Variants in CFAP97D2 observed in about 807,000 individuals in gnomAD.
The protein encoded by CFAP97D2 is uncharacterized protein CFAP97D2.
intron 1 of CFAP97D2, among the ~76,000 whole-genome samples, chr13:114,182,113 C>T (rs2080835279): frequency 6.6e-6 from 1 of 150,744 alleles, no homozygotes; most frequent in Non-Finnish European, 1.5e-5. Context: ...TTCATTATTT[C>T]AGCAAAAAGG....
chr13:114,208,432 G>A (rs754335593), intron 3 of CFAP97D2, among the ~76,000 whole-genome samples: 31 of 152,256 alleles, frequency 2.0e-4, no homozygotes, highest in South Asian at 1.7e-3. Context: ...ATTGAAGCAC[G>A]TTATCAAAAT....
At position 114,186,216 on chromosome 13, in the gene CFAP97D2, T is replaced by G. The variant is rs928330309; in HGVS notation, c.90+6796T>G. Among the ~76,000 whole-genome samples the G allele has an allele frequency of 2.6e-5, 4 of 151,752 alleles. No homozygotes were observed. ...AGGATGACCAGCTACAGAGGGGAGC[T>G]GCACACCCCAAGGTCTCCTCTCTGC... On this transcript the variant is annotated intron_variant, in intron 1 of 4. Transcript: ENST00000646158. This position sits in a 1 kb window ranked among gnomAD's most constrained non-coding sequence, Gnocchi z 4.3.
intron 4 of CFAP97D2, chr13:114,212,106 C>A: frequency 7.5e-6 from 3 of 398,592 alleles, no homozygotes; most frequent in Non-Finnish European, 1.3e-5. Context: ...AAAAAGGTAC[C>A]CGCACCTTCT....
intron 3 of CFAP97D2, among the ~76,000 whole-genome samples, chr13:114,204,296 G>A (rs1417241029): frequency 2.0e-5 from 3 of 152,124 alleles, no homozygotes; most frequent in South Asian, 2.1e-4. Context: ...GTAATAGCTC[G>A]GCACAGGAAA....
At chr13:114,208,105 G>A (rs544910303) in intron 3 of CFAP97D2, among the ~76,000 whole-genome samples, 12 of 152,292 alleles carry the variant, frequency 7.9e-5, no homozygotes, top group African/African-American at 2.9e-4. Context: ...ACTTCTAGCT[G>A]TGTGACCTTG....
chr13:114,217,798 A>G (rs544008853), intron 4 of CFAP97D2, among the ~76,000 whole-genome samples: 3 of 152,364 alleles, frequency 2.0e-5, no homozygotes, highest in African/African-American at 7.2e-5. Context: ...CAATAGATAC[A>G]GAAAAGGCCT....
In CFAP97D2 at chr13:114,179,523, T is replaced by C; in HGVS notation, c.90+103T>C. 2 of 397,216 alleles carry C rather than the reference T, an allele frequency of 5.0e-6. No homozygotes were observed. The allele number at this position is 397,216 out of a possible 1,614,324, so 24.6% of individuals were successfully genotyped here. A position where few individuals can be genotyped will look rare whatever the true frequency, so the allele number is the denominator to read the frequency against. ...CCTGGAGTCCTGGAGGTGATTTTCT[T>C]TTTGGAGACAGCATGGTTGAAATGA... On this transcript the variant is annotated intron_variant, in intron 1 of 4. Transcript: ENST00000646158. This position sits in a 1 kb window ranked among gnomAD's most constrained non-coding sequence, Gnocchi z 4.8.
intron 1 of CFAP97D2, among the ~76,000 whole-genome samples, chr13:114,191,024 A>G (rs1566612156): frequency 6.6e-6 from 1 of 152,240 alleles, no homozygotes; most frequent in Non-Finnish European, 1.5e-5. Flanking sequence ...GAACATCCAC[A>G]TGGAAGAAGA....
At chr13:114,202,365 G>T (rs79133334) in intron 3 of CFAP97D2, among the ~76,000 whole-genome samples, 3 of 152,108 alleles carry the variant, frequency 2.0e-5, no homozygotes, top group African/African-American at 7.2e-5. Flanking sequence ...CAGAATGACC[G>T]CATGAGGAGC....
chr13:114,206,227 C>T (rs906379374), intron 3 of CFAP97D2, among the ~76,000 whole-genome samples: 4 of 151,996 alleles, frequency 2.6e-5, no homozygotes, highest in African/African-American at 4.8e-5. Context: ...CTCAGCCTCC[C>T]GAGTAGCTGG....
At position 114,189,902 on chromosome 13, in the gene CFAP97D2, G is replaced by A. The variant is rs982902559; in HGVS notation, c.91-6494G>A. 4.6e-5 allele frequency among the ~76,000 whole-genome samples: 7 copies of A among 152,128 alleles called. No individual in the cohort carries two copies. The highest frequency in any genetic ancestry group is 4.1e-4 in the South Asian group (2 of 4,826). Reference sequence around the variant, plus strand: ...TCGCCCTGTAATCAGAACACTTTGGGTGGCTGAAGAGGGAGGATCACTTGA... The same window carrying A: ...TCGCCCTGTAATCAGAACACTTTGGATGGCTGAAGAGGGAGGATCACTTGA... On this transcript the variant is annotated intron_variant, in intron 1 of 4. Transcript: ENST00000646158. This position sits in a 1 kb window ranked among gnomAD's most constrained non-coding sequence, Gnocchi z 4.5.
chr13:114,182,989 T>C (rs913323222), intron 1 of CFAP97D2, among the ~76,000 whole-genome samples: 1 of 152,130 alleles, frequency 6.6e-6, no homozygotes, highest in African/African-American at 2.4e-5. Context: ...CTCCAGACAC[T>C]GCCATCTCCA....
intron 4 of CFAP97D2, among the ~76,000 whole-genome samples, chr13:114,217,733 A>G (rs540773991): frequency 6.6e-6 from 1 of 152,350 alleles, no homozygotes; most frequent in African/African-American, 2.4e-5. Flanking sequence ...ATGCAAATCA[A>G]TAAATGTAAT....
At chr13:114,214,981 GA>G (rs1352884821) in intron 4 of CFAP97D2, among the ~76,000 whole-genome samples, 3 of 152,092 alleles carry the variant, frequency 2.0e-5, no homozygotes, top group African/African-American at 7.2e-5. Context: ...TATTCCAAGT[GA>G]AACTATGATG....
At position 114,203,938 on chromosome 13, in the gene CFAP97D2, A is replaced by G. The variant is rs1468384861; in HGVS notation, c.290+3495A>G. ...CCAACTTCTCTGTAGAAATTGACCCACTGGTTCTAAAATTTGATGGATTGT... is the reference window on the plus strand; with the variant it reads ...CCAACTTCTCTGTAGAAATTGACCCGCTGGTTCTAAAATTTGATGGATTGT... On this transcript the variant is annotated intron_variant, in intron 3 of 4. Coordinates refer to ENST00000646158, the Ensembl canonical transcript of CFAP97D2. The surrounding 1 kb of genome is among the most constrained non-coding windows in gnomAD (Gnocchi z 4.3). 6.6e-5 allele frequency among the ~76,000 whole-genome samples: 10 copies of G among 152,178 alleles called. No individual in the cohort carries two copies. The highest frequency in any genetic ancestry group is 1.3e-4 in the Admixed American group (2 of 15,282).
rs769390060 is a variant in CFAP97D2, at chr13:114,204,323, G to A, written c.290+3880G>A. On this transcript the variant is annotated intron_variant, in intron 3 of 4. Transcript: ENST00000646158. ...CACAGGAAAATTGTGAGCTGTTTGC[G>A]CAGGAGGGCTGCGTGTTCTGGACCA... Among the ~76,000 whole-genome samples the A allele has an allele frequency of 3.8e-4, 58 of 152,292 alleles. 1 individual carries two copies. The highest frequency in any genetic ancestry group is 2.3e-3 in the South Asian group (11 of 4,824).
chr13:114,182,921 CTCTT>C (rs963014787), intron 1 of CFAP97D2, among the ~76,000 whole-genome samples: 2 of 152,176 alleles, frequency 1.3e-5, no homozygotes, highest in African/African-American at 2.4e-5. Context: ...AGTCTGATCT[CTCTT>C]TCTTTTCCCT....
Position 114,192,465 on chromosome 13 carries a change from T to C in CFAP97D2, c.91-3931T>C, listed in dbSNP as rs370206866. On this transcript the variant is annotated intron_variant, in intron 1 of 4. Transcript: ENST00000646158. ...CATAAAAGGACTGTGTTACCAAAAT[T>C]GGCTTCTGAAGAGAAAGTCCAAACA... Among the ~76,000 whole-genome samples, 12 of 152,328 alleles carry C rather than the reference T, an allele frequency of 7.9e-5. No individual in the cohort carries two copies. The East Asian group carries it at 2.3e-3, about 29-fold the overall frequency.
chr13:114,192,484 C>T (rs916617622), intron 1 of CFAP97D2, among the ~76,000 whole-genome samples: 1 of 152,064 alleles, frequency 6.6e-6, no homozygotes, highest in African/African-American at 2.4e-5. Context: ...AAGAGAAAGT[C>T]CAAACAGACC....
Sources: gnomAD v4.1 joint callset for allele counts (sites outside exome capture counted in the v4.1 genomes callset) on GRCh38, gnomAD v4.1.1 for gene constraint, Gnocchi (gnomAD v3.1) non-coding constraint, MANE v1.5 for transcripts, NCBI Gene and HGNC (gene_info 2026-07-23, HGNC 2026-07-21) for gene names.